Variants in HNRNPA1L2 observed in about 807,000 individuals in gnomAD.
The protein encoded by HNRNPA1L2 is heterogeneous nuclear ribonucleoprotein A1 like 2, also known as heterogeneous nuclear ribonucleoprotein A1-like 2.
Under a neutral mutation model 18.2 loss-of-function variants are expected in HNRNPA1L2, and 10 were observed. That is an observed-to-expected ratio of 0.55 (90% CI 0.34 to 0.93). HNRNPA1L2 has a LOEUF of 0.93. HNRNPA1L2 is among the 40% of genes least tolerant of loss of function. The pLI, the probability that HNRNPA1L2 is intolerant of heterozygous loss-of-function variation, is 0.02. For synonymous variants in HNRNPA1L2, 124 were observed against 138.6 expected, an observed-to-expected ratio of 0.89 and a Z score of 0.74; for missense variants, 308 against 394.4, an observed-to-expected ratio of 0.78 and a Z score of 1.85.
At chr13:52,619,386 C>T in the HNRNPA1L2 span, among the ~76,000 whole-genome samples, 4 of 152,082 alleles carry the variant, frequency 2.6e-5, no homozygotes, top group African/African-American at 7.2e-5. Context: ...GATCTTGGCT[C>T]GCTGCAACCT....
chr13:52,638,309 G>T (rs1961527004), upstream of HNRNPA1L2, among the ~76,000 whole-genome samples: 1 of 152,082 alleles, frequency 6.6e-6, no homozygotes, highest in South Asian at 2.1e-4. Context: ...GGATGACCAT[G>T]GGTATTTTAA....
chr13:52,627,308 G>T, the HNRNPA1L2 span: 10 of 152,206 alleles, frequency 6.6e-5, no homozygotes, highest in African/African-American at 2.4e-4. Flanking sequence ...GTCAGATATT[G>T]AATTGAATGA....
chr13:52,631,411 T>C, the HNRNPA1L2 span, among the ~76,000 whole-genome samples: 1 of 152,216 alleles, frequency 6.6e-6, no homozygotes, highest in Non-Finnish European at 1.5e-5. Context: ...TGTTGTGCAT[T>C]CCTCTTTTGA....
At chr13:52,629,068 G>T in the HNRNPA1L2 span, among the ~76,000 whole-genome samples, 1 of 150,596 alleles carries the variant, frequency 6.6e-6, no homozygotes, top group Non-Finnish European at 1.5e-5. Flanking sequence ...AGAGAGGGGG[G>T]TTTCTCCATG....
upstream of HNRNPA1L2, among the ~76,000 whole-genome samples, chr13:52,639,734 G>T (rs1961587441): frequency 6.7e-6 from 1 of 148,260 alleles, no homozygotes; most frequent in South Asian, 2.1e-4. Flanking sequence ...TATCCCTTGG[G>T]AATACATAAT....
Position 52,643,166 on chromosome 13 carries a change from G to A in HNRNPA1L2, c.674G>A (p.Arg225His), listed in dbSNP as rs148056290. ...GGTCGTGGAGGAAACTTCAGTGGTC[G>A]TGGTGGCTTTGGTGGCAGCTGTGGT... ...NFGRGGNFSG[R>H]GGFGGSCGGG... The change falls in exon 1 of 1, where the codon CGT (arginine) becomes CAT (histidine). Residue 225 changes from arginine (R) to histidine (H), a missense_variant. By Grantham distance (29) the Arg-to-His change is conservative (BLOSUM62 0). Coordinates refer to ENST00000357495, the MANE Select transcript of HNRNPA1L2 (RefSeq NM_001389320.1). 48 of 1,597,966 alleles carry A rather than the reference G, an allele frequency of 3.0e-5. No homozygotes were observed. The highest frequency in any genetic ancestry group is 2.5e-4 in the African/African-American group (19 of 74,882).
At chr13:52,625,597 T>C in the HNRNPA1L2 span, among the ~76,000 whole-genome samples, 1 of 152,192 alleles carries the variant, frequency 6.6e-6, no homozygotes, top group South Asian at 2.1e-4. Context: ...TGCATGATTC[T>C]GAAAAATGAA....
the HNRNPA1L2 span, among the ~76,000 whole-genome samples, chr13:52,624,400 G>A: frequency 9.9e-5 from 15 of 152,082 alleles, no homozygotes; most frequent in South Asian, 4.1e-4. Context: ...GCACGCCACC[G>A]TGCCTGGCCA....
the HNRNPA1L2 span, among the ~76,000 whole-genome samples, chr13:52,626,489 G>A: frequency 6.7e-6 from 1 of 150,258 alleles, no homozygotes; most frequent in African/African-American, 2.4e-5. Flanking sequence ...ATAATAGGAT[G>A]TTTTTATATT....
At chr13:52,636,797 A>G in the HNRNPA1L2 span, among the ~76,000 whole-genome samples, 1 of 152,160 alleles carries the variant, frequency 6.6e-6, no homozygotes, top group South Asian at 2.1e-4. Context: ...GTAAAACCAA[A>G]GTTAAGCTTG....
At chr13:52,642,352 GTATT>G, upstream of HNRNPA1L2, 1 of 1,143,664 alleles carries the variant, frequency 8.7e-7, no homozygotes, top group Non-Finnish European at 1.3e-6. Context: ...TATGAAAAAT[GTATT>G]TATTTCCCAA....
Position 52,642,496 on chromosome 13 carries a change from T to C in HNRNPA1L2, c.4T>C (p.Ser2Pro), listed in dbSNP as rs1217361432. The C allele has an allele frequency of 1.8e-5, 29 of 1,611,744 alleles. No homozygotes were observed. Among genetic ancestry groups the C allele is most frequent in the Non-Finnish European group, 2.5e-5 (29 of 1,179,822 alleles). The change falls in exon 1 of 1, where the codon TCT becomes CCT. Residue 2 changes from serine (S) to proline (P), a missense_variant. Coordinates refer to ENST00000357495, the MANE Select transcript of HNRNPA1L2 (RefSeq NM_001389320.1). M[S>P]KSASPKEPEQ... ...AGTCTCTCTTCACCTTGCCGTCATGTCTAAGTCAGCGTCTCCAAAAGAGCC... is the reference window on the plus strand; with the variant it reads ...AGTCTCTCTTCACCTTGCCGTCATGCCTAAGTCAGCGTCTCCAAAAGAGCC...
chr13:52,628,780 G>A, the HNRNPA1L2 span, among the ~76,000 whole-genome samples: 12 of 152,320 alleles, frequency 7.9e-5, no homozygotes, highest in South Asian at 2.3e-3. Flanking sequence ...AACTTTGTAT[G>A]CTGTATAATT....
chr13:52,642,615 A>G lies in HNRNPA1L2; in HGVS notation c.123A>G (p.Thr41=), dbSNP rs779440437. ...ATTTTGAGCAATGGGGAACGCTCAC[A>G]GACTGTGTGGTAATGAGAGATCCAA... ...RSHFEQWGTL[T]DCVVMRDPNT... is the part of the protein sequence containing the mutation. Residue 41 remains threonine (T), a synonymous_variant, in exon 1 of 1, where the codon ACA becomes ACG. Transcript: ENST00000357495. 5 of 1,611,958 alleles carry G rather than the reference A, an allele frequency of 3.1e-6. No individual in the cohort carries two copies. In the East Asian group the frequency reaches 1.1e-4, roughly 36 times the overall value.
rs548762543 is a variant in HNRNPA1L2 at position 52,643,109 on chromosome 13, G to T, written c.617G>T (p.Arg206Leu). The T allele has an allele frequency of 6.3e-7, 1 of 1,597,872 alleles. No individual in the cohort carries two copies. The change falls in exon 1 of 1, where the codon CGT (arginine) becomes CTT (leucine). Residue 206 changes from arginine to leucine, a missense_variant. Coordinates refer to ENST00000357495, the MANE Select transcript of HNRNPA1L2 (RefSeq NM_001389320.1). ...RRGSGNFGGG[R>L]GDGFGGNDNF... Reference sequence around the variant, plus strand: ...GGTTCTGGAAACTTTGGTGGTGGTCGTGGAGATGGTTTCGGTGGGAATGAC... The same window carrying T: ...GGTTCTGGAAACTTTGGTGGTGGTCTTGGAGATGGTTTCGGTGGGAATGAC...
At chr13:52,632,508 A>G in the HNRNPA1L2 span, 1 of 153,538 alleles carries the variant, frequency 6.5e-6, no homozygotes, top group Admixed American at 6.5e-5. Flanking sequence ...TGTTAAGAAT[A>G]ACTATTTCTC....
Position 52,643,363 on chromosome 13 carries a change from G to T in HNRNPA1L2, c.871G>T (p.Gly291Cys), listed in dbSNP as rs775702389. The T allele has an allele frequency of 4.4e-6, 7 of 1,598,416 alleles. No individual in the cohort carries two copies. Among genetic ancestry groups the T allele is most frequent in the Non-Finnish European group, 5.1e-6 (6 of 1,179,756 alleles). The change falls in exon 1 of 1, where the codon GGT becomes TGT. Residue 291 changes from glycine (G) to cysteine (C), a missense_variant. Coordinates refer to ENST00000357495, the MANE Select transcript of HNRNPA1L2 (RefSeq NM_001389320.1). The stretch of plus-strand genomic sequence containing the variant: ...AGGCAGAAGCTCTGGCCCCTATGGC[G>T]GTGGAGGCCAATACTTTGCAAAACC... ...FGGRSSGPYG[G>C]GGQYFAKPQN...
At chr13:52,629,307 C>A in the HNRNPA1L2 span, 1 of 215,238 alleles carries the variant, frequency 4.6e-6, no homozygotes, top group South Asian at 9.0e-5. Context: ...TCAGTTTGAC[C>A]AAGGCTATGA....
At chr13:52,626,563 C>T in the HNRNPA1L2 span, among the ~76,000 whole-genome samples, 510 of 151,888 alleles carry the variant, frequency 3.4e-3, 3 homozygotes, top group African/African-American at 0.011. Context: ...TTAAAATATA[C>T]GCAAAGTACG....
Sources: allele counts gnomAD v4.1 joint callset (sites outside exome capture counted in the v4.1 genomes callset), GRCh38; gene constraint gnomAD v4.1.1; transcripts MANE v1.5; gene names NCBI Gene and HGNC (gene_info 2026-07-23, HGNC 2026-07-21).